The following JCAD variants were observed in gnomAD, a reference collection of about 807,000 sequenced individuals.
JCAD encodes the protein junctional cadherin 5 associated, also known as junctional cadherin 5-associated protein.
A neutral mutation model predicts 98.0 loss-of-function variants in JCAD; 40 were observed. The observed-to-expected ratio is 0.41, with a 90% CI of 0.32 to 0.53. The LOEUF is 0.53. Among genes scored for constraint, JCAD ranks in the 20% least tolerant of loss-of-function variants. The pLI is 0.31. For synonymous variants in JCAD, 691 were observed against 682.3 expected, an observed-to-expected ratio of 1.01 and a Z score of -0.20; for missense variants, 1,705 against 1,738.1, an observed-to-expected ratio of 0.98 and a Z score of 0.34.
At chr10:30,082,071 T>C (rs1473614139) in intron 1 of JCAD, among the ~76,000 whole-genome samples, 1 of 152,230 alleles carries the variant, frequency 6.6e-6, no homozygotes, top group African/African-American at 2.4e-5. Context: ...CGTCTAAGTG[T>C]AATTGTGCTT....
Position 30,102,612 on chromosome 10 carries a change from C to G in JCAD, n.128+12755G>C, listed in dbSNP as rs141406866. Among the ~76,000 whole-genome samples the G allele has an allele frequency of 2.6e-3, 403 of 152,284 alleles. 4 individuals are homozygous for G. Among genetic ancestry groups the G allele is most frequent in the African/African-American group, 8.7e-3 (361 of 41,552 alleles). On this transcript the variant is annotated intron_variant and non_coding_transcript_variant, in intron 1 of 2. Transcript: ENST00000465712. ...ACACCTTCCGCTTTCTACCCCAAACCCTGCCAACCACCATGCTACTCTCTG... is the reference window on the plus strand; with the variant it reads ...ACACCTTCCGCTTTCTACCCCAAACGCTGCCAACCACCATGCTACTCTCTG...
chr10:30,078,563 T>C (rs1319302932), intron 1 of JCAD, among the ~76,000 whole-genome samples: 1 of 152,190 alleles, frequency 6.6e-6, no homozygotes, highest in Non-Finnish European at 1.5e-5. Flanking sequence ...GGCTCACTGC[T>C]TTTGAGGACA....
intron 1 of JCAD, among the ~76,000 whole-genome samples, chr10:30,108,947 T>C (rs759778001): frequency 1.3e-5 from 2 of 152,168 alleles, no homozygotes; most frequent in African/African-American, 2.4e-5. Context: ...GACTTTTCTC[T>C]GTCCTGAATC....
In JCAD at chr10:30,027,339, C is replaced by T. The variant is rs758913981; in HGVS notation, c.2809G>A (p.Val937Met). 2.6e-5 allele frequency: 42 copies of T among 1,612,798 alleles called. No homozygotes were observed. Among genetic ancestry groups the T allele is most frequent in the Non-Finnish European group, 3.1e-5 (37 of 1,180,042 alleles). The change falls in exon 3 of 4, where the codon GTG becomes ATG. Residue 937 changes from valine (V) to methionine (M), a missense_variant. By Grantham distance (21) the Val-to-Met change is conservative (BLOSUM62 1). Around this residue, in one of 3 missense-constraint regions of JCAD, gnomAD observed 1,278 missense variants for 1,243.1 expected, o/e 1.03. Transcript: ENST00000375377. ...AAAGGTGCACCGCCACCTTCTTCCA[C>T]GCGAAAGCGGCCCGGGGATGGAGGC... ...AWPPSPGRFR[V>M]EEGGGAPFCS...
chr10:30,084,169 AAGG>A (rs1182141364), intron 1 of JCAD, among the ~76,000 whole-genome samples: 1 of 148,996 alleles, frequency 6.7e-6, no homozygotes. Flanking sequence ...AAGAAGGAGG[AAGG>A]AGGAAGGAAG....
chr10:30,072,815 C>T (rs1837916824), intron 1 of JCAD, among the ~76,000 whole-genome samples: 1 of 152,116 alleles, frequency 6.6e-6, no homozygotes, highest in African/African-American at 2.4e-5. Flanking sequence ...CCACGCCTAG[C>T]TAGTTTTTGT....
Position 30,026,345 on chromosome 10 carries a change from A to T in JCAD, c.3803T>A (p.Val1268Glu). 3 of 1,614,150 alleles carry T rather than the reference A, an allele frequency of 1.9e-6. No individual in the cohort carries two copies. The highest frequency in any genetic ancestry group is 2.5e-6 in the Non-Finnish European group (3 of 1,180,018). The stretch of plus-strand genomic sequence containing the variant: ...GAAGCTCAGGACTCTCATCCGTGAC[A>T]CTGAGCTCACCTCTTTCATTCTCAT... ...RLMRMKEVSS[V>E]SRMRVLSFRN... is the part of the protein sequence containing the mutation. The change falls in exon 3 of 4, where the codon GTG becomes GAG. Residue 1268 changes from valine (V) to glutamate (E), a missense_variant. Physicochemically the swap from Val to Glu is moderately radical, Grantham distance 121. This residue lies in a region of JCAD where 1,278 missense variants were observed against 1,243.1 expected (regional missense o/e 1.03). Transcript: ENST00000375377.
chr10:30,063,583 A>AT (rs1341829019), upstream of JCAD, among the ~76,000 whole-genome samples: 1 of 152,034 alleles, frequency 6.6e-6, no homozygotes, highest in Non-Finnish European at 1.5e-5. Flanking sequence ...ACCAGTTCTC[A>AT]TTTTTTAAAA....
chr10:30,104,519 T>C (rs957891800), intron 1 of JCAD, among the ~76,000 whole-genome samples: 2 of 152,146 alleles, frequency 1.3e-5, no homozygotes, highest in African/African-American at 2.4e-5. Context: ...GAGCTAAACA[T>C]TGAGTGCTCG....
intron 3 of JCAD, among the ~76,000 whole-genome samples, chr10:30,022,021 C>G (rs115093790): frequency 1.9e-4 from 29 of 152,276 alleles, no homozygotes; most frequent in African/African-American, 6.7e-4. Flanking sequence ...ACAGAGTTTG[C>G]AACAGAGGAT....
chr10:30,048,699 G>A (rs1837407719), intron 1 of JCAD, among the ~76,000 whole-genome samples: 1 of 152,032 alleles, frequency 6.6e-6, no homozygotes, highest in African/African-American at 2.4e-5. Context: ...TCGAGTTGCT[G>A]GGAATACAGG....
chr10:30,027,584 C>G lies in JCAD; in HGVS notation c.2564G>C (p.Ser855Thr), dbSNP rs763077574. 1 of 1,614,180 alleles carries G rather than the reference C, an allele frequency of 6.2e-7. No homozygotes were observed. The highest frequency in any genetic ancestry group is 1.1e-5 in the South Asian group (1 of 91,088). The part of the protein sequence containing the change: ...EEESSSSSSS[S>T]SSSSEESEAE... Reference sequence around the variant, plus strand: ...CTCACTCTCCTCACTGCTGCTGCTGCTGCTGCTGCTGCTACTGCTGCTTTC... The same window carrying G: ...CTCACTCTCCTCACTGCTGCTGCTGGTGCTGCTGCTGCTACTGCTGCTTTC... The change falls in exon 3 of 4, where the codon AGC (serine) becomes ACC (threonine). Residue 855 changes from serine to threonine, a missense_variant. Around this residue, in one of 3 missense-constraint regions of JCAD, gnomAD observed 1,278 missense variants for 1,243.1 expected, o/e 1.03. Transcript: ENST00000375377.
Position 30,016,459 on chromosome 10 carries a change from T to C in JCAD, c.*1424A>G, listed in dbSNP as rs1315088102. ...GGGAATGTTAGTTGTCAGGAATACCTTACTTAGAAAGAAGGAAAAAAATGC... is the reference window on the plus strand; with the variant it reads ...GGGAATGTTAGTTGTCAGGAATACCCTACTTAGAAAGAAGGAAAAAAATGC... On this transcript the variant is annotated 3_prime_UTR_variant, in exon 4 of 4. Coordinates refer to ENST00000375377, the MANE Select transcript of JCAD (RefSeq NM_020848.4). 6 of 152,080 alleles carry C rather than the reference T, an allele frequency of 3.9e-5. No homozygotes were observed. The highest frequency in any genetic ancestry group is 8.8e-5 in the Non-Finnish European group (6 of 68,018). 9.4% of individuals were successfully genotyped at this position (152,080 alleles called of 1,614,324 possible).
At chr10:30,089,728 T>C (rs1838230423) in intron 1 of JCAD, among the ~76,000 whole-genome samples, 1 of 152,104 alleles carries the variant, frequency 6.6e-6, no homozygotes, top group African/African-American at 2.4e-5. Flanking sequence ...TAAGAAGTCA[T>C]TGCAGATGAG....
chr10:30,029,440 A>G lies in JCAD; in HGVS notation c.708T>C (p.Leu236=). ...CCGTGCAACTCAGGCTCTCGGGGGAAAGAACTCTAGGCAGTGAGCGAGACT... is the reference window on the plus strand; with the variant it reads ...CCGTGCAACTCAGGCTCTCGGGGGAGAGAACTCTAGGCAGTGAGCGAGACT... ...KGKSRSLPRV[L]SPESLSCTEI... Residue 236 remains leucine (L), a synonymous_variant, in exon 3 of 4, where the codon CTT becomes CTC. Transcript: ENST00000375377. The G allele has an allele frequency of 6.2e-7, 1 of 1,614,156 alleles. No individual in the cohort carries two copies. Among genetic ancestry groups the G allele is most frequent in the East Asian group, 2.2e-5 (1 of 44,886 alleles).
At chr10:30,038,271 G>T (rs1837162469) in intron 2 of JCAD, among the ~76,000 whole-genome samples, 1 of 152,194 alleles carries the variant, frequency 6.6e-6, no homozygotes, top group Non-Finnish European at 1.5e-5. Flanking sequence ...CGCCAGCTTG[G>T]AAACTGTCAT....
Position 30,102,840 on chromosome 10 carries a change from C to A in JCAD, n.128+12527G>T, listed in dbSNP as rs549598335. Among the ~76,000 whole-genome samples, 24 of 152,260 alleles carry A rather than the reference C, an allele frequency of 1.6e-4. 1 individual carries two copies. The South Asian group carries it at 5.0e-3, about 32-fold the overall frequency. On this transcript the variant is annotated intron_variant and non_coding_transcript_variant, in intron 1 of 2. Transcript: ENST00000465712. ...GAGGCCTCATAATCGTGGCAGAAGG[C>A]AAATGAAGAGCAAAGTCACGTCTTA...
chr10:30,109,412 C>G (rs1194536156), intron 1 of JCAD, among the ~76,000 whole-genome samples: 1 of 152,186 alleles, frequency 6.6e-6, no homozygotes, highest in African/African-American at 2.4e-5. Flanking sequence ...TTTCCCCAGA[C>G]TTCCAAGTTC....
At chr10:30,050,953 T>A (rs1035347365) in intron 1 of JCAD, among the ~76,000 whole-genome samples, 2 of 152,236 alleles carry the variant, frequency 1.3e-5, no homozygotes, top group South Asian at 2.1e-4. Context: ...CAGGAATGTT[T>A]CCATTTTCAC....
Sources: allele counts gnomAD v4.1 joint callset (sites outside exome capture counted in the v4.1 genomes callset), GRCh38; gene constraint gnomAD v4.1.1; regional missense constraint gnomAD v4.1.1; transcripts MANE v1.5; gene names NCBI Gene and HGNC (gene_info 2026-07-23, HGNC 2026-07-21).